Variants in CSMD3 observed in about 807,000 individuals in gnomAD.
CSMD3 encodes CUB and sushi domain-containing protein 3.
In CSMD3, 177 loss-of-function variants were observed where a neutral mutation model predicts 435.2. The observed-to-expected ratio is 0.41, with a 90% CI of 0.36 to 0.46. CSMD3 has a LOEUF of 0.46. CSMD3 is among the 20% of genes least tolerant of loss of function. CSMD3 has a pLI of 0.34. For synonymous variants in CSMD3, 1,656 were observed against 1,520.5 expected (o/e 1.09, Z -2.07); for missense variants, 4,265 against 4,504.6 (o/e 0.95, Z 1.52).
chr8:112,746,167 A>C (rs1221506011), intron 13 of CSMD3, among the ~76,000 whole-genome samples: 1 of 152,156 alleles, frequency 6.6e-6, no homozygotes, highest in Non-Finnish European at 1.5e-5. Flanking sequence ...TAAGAGAACA[A>C]TCTCCTGACG....
At chr8:112,596,915 G>A (rs1831783106) in intron 22 of CSMD3, among the ~76,000 whole-genome samples, 2 of 151,186 alleles carry the variant, frequency 1.3e-5, no homozygotes, top group Admixed American at 6.6e-5. Context: ...GAGAAAGCAG[G>A]AAAGATCCAA....
At chr8:112,467,091 A>G (rs1818032088) in intron 32 of CSMD3, among the ~76,000 whole-genome samples, 1 of 152,188 alleles carries the variant, frequency 6.6e-6, no homozygotes, top group African/African-American at 2.4e-5. Context: ...GCAATATGCA[A>G]AAGGGTTTGG....
chr8:113,335,537 CTTTTTT>C (rs1222360431), intron 1 of CSMD3, among the ~76,000 whole-genome samples: 4 of 29,706 alleles, frequency 1.3e-4, no homozygotes, highest in Non-Finnish European at 2.2e-4. Context: ...CCTCCTCCTT[CTTTTTT>C]TTTTTTTTTT....
intron 3 of CSMD3, among the ~76,000 whole-genome samples, chr8:113,227,100 T>TTTCTC (rs2093037122): frequency 6.6e-6 from 1 of 151,492 alleles, no homozygotes; most frequent in African/African-American, 2.4e-5. Flanking sequence ...TTGTACACAC[T>TTTCTC]TTCCACAACA....
chr8:112,838,780 C>A (rs536195766), intron 11 of CSMD3, among the ~76,000 whole-genome samples: 1 of 151,756 alleles, frequency 6.6e-6, no homozygotes, highest in East Asian at 1.9e-4. Flanking sequence ...ATACATTTCA[C>A]ATCTATATGG....
At chr8:113,281,182 G>C (rs2093610650) in intron 2 of CSMD3, among the ~76,000 whole-genome samples, 1 of 151,828 alleles carries the variant, frequency 6.6e-6, no homozygotes, top group African/African-American at 2.4e-5. Context: ...TATCTGTTAA[G>C]TCAGTTTGTT....
rs368870291 is a variant in CSMD3, at chr8:112,650,218, C to T, written c.3136G>A (p.Glu1046Lys). 1.7e-5 allele frequency: 27 copies of T among 1,613,852 alleles called. No homozygotes were observed. Among genetic ancestry groups the T allele is most frequent in the African/African-American group, 2.7e-5 (2 of 74,904 alleles). Residue 1046 changes from glutamate (E) to lysine (K), a missense_variant, in exon 19 of 71, where the codon GAG becomes AAG. By Grantham distance (56) the Glu-to-Lys change is moderately conservative (BLOSUM62 1). Around this residue, in one of 3 missense-constraint regions of CSMD3, gnomAD observed 3,255 missense variants for 3,380.2 expected, o/e 0.96. Coordinates refer to ENST00000297405, the MANE Select transcript of CSMD3 (RefSeq NM_198123.2). Reference sequence around the variant, plus strand: ...TGGTTTTTTTCGCATAGAAGGGGCTCTTCATGACTCAACCTGTATCCTGAA... The same window carrying T: ...TGGTTTTTTTCGCATAGAAGGGGCTTTTCATGACTCAACCTGTATCCTGAA... ...CDSGYRLSHE[E>K]PLLCEKNHWW...
intron 22 of CSMD3, among the ~76,000 whole-genome samples, chr8:112,623,427 C>G (rs960893932): frequency 7.9e-5 from 12 of 152,056 alleles, no homozygotes; most frequent in African/African-American, 2.7e-4. Context: ...GCATTTTATT[C>G]CTAATTCTCA....
intron 32 of CSMD3, among the ~76,000 whole-genome samples, chr8:112,410,448 T>C (rs1006796164): frequency 6.8e-6 from 1 of 146,442 alleles, no homozygotes; most frequent in African/African-American, 2.5e-5. Context: ...TTTTAAAAGA[T>C]CCCAAATTTG....
intron 3 of CSMD3, among the ~76,000 whole-genome samples, chr8:113,269,551 T>G (rs1180947801): frequency 6.6e-6 from 1 of 152,142 alleles, no homozygotes; most frequent in East Asian, 1.9e-4. Context: ...ACTACCTGAC[T>G]TCAAACTATA....
chr8:113,117,785 A>T (rs1384871340), intron 4 of CSMD3, among the ~76,000 whole-genome samples: 1 of 152,192 alleles, frequency 6.6e-6, no homozygotes. Context: ...ATCAAAGGAG[A>T]TCATCCTGGA....
chr8:112,846,148 T>G (rs2080310968), intron 11 of CSMD3, among the ~76,000 whole-genome samples: 1 of 151,930 alleles, frequency 6.6e-6, no homozygotes, highest in Non-Finnish European at 1.5e-5. Context: ...TAGTACAAAA[T>G]TAAAGTGGAA....
intron 32 of CSMD3, among the ~76,000 whole-genome samples, chr8:112,469,656 C>A (rs185113948): frequency 6.6e-6 from 1 of 152,262 alleles, no homozygotes; most frequent in African/African-American, 2.4e-5. Context: ...CTATGGGAAT[C>A]TAACGCCACA....
At chr8:112,656,434 A>G (rs1234669200) in intron 17 of CSMD3, 93 bp from the exon 18 acceptor site, 2 of 884,046 alleles carry the variant, frequency 2.3e-6, no homozygotes, top group African/African-American at 1.7e-5. Context: ...CCTATTTAAA[A>G]TTTTTCCATT....
chr8:113,306,435 G>A (rs530431503), intron 2 of CSMD3, among the ~76,000 whole-genome samples: 1 of 152,252 alleles, frequency 6.6e-6, no homozygotes, highest in East Asian at 1.9e-4. Flanking sequence ...TAAATCACTG[G>A]AGTGCACTGA....
intron 3 of CSMD3, among the ~76,000 whole-genome samples, chr8:113,205,920 C>CT (rs112178277): frequency 4.8e-4 from 72 of 148,598 alleles, no homozygotes; most frequent in South Asian, 2.6e-3. Context: ...TTATAATCAT[C>CT]TTTTTTTTTT....
chr8:113,188,248 C>T (rs2092537287), intron 3 of CSMD3, among the ~76,000 whole-genome samples: 1 of 151,940 alleles, frequency 6.6e-6, no homozygotes, highest in Non-Finnish European at 1.5e-5. Flanking sequence ...ATTCAATTGA[C>T]TTGTGACCAT....
At chr8:112,408,261 CATCATGGGAAAATTAT>C in intron 34 of CSMD3, 41 bp downstream of exon 34, 1 of 990,180 alleles carries the variant, frequency 1.0e-6, no homozygotes, top group South Asian at 1.3e-5. Flanking sequence ...ACTCTGAATA[CATCATGGGAAAATTAT>C]ATCATTCCTT....
chr8:113,349,792 G>A (rs545374736), intron 1 of CSMD3, among the ~76,000 whole-genome samples: 3 of 152,150 alleles, frequency 2.0e-5, no homozygotes, highest in Non-Finnish European at 2.9e-5. Flanking sequence ...TTCCAACGAT[G>A]TAGTATGGTA....
Sources: gnomAD v4.1 joint callset for allele counts (sites outside exome capture counted in the v4.1 genomes callset) on GRCh38, gnomAD v4.1.1 for gene constraint, gnomAD v4.1.1 regional missense constraint, MANE v1.5 for transcripts, NCBI Gene and HGNC (gene_info 2026-07-23, HGNC 2026-07-21) for gene names.